The following CDH4 variants were observed in gnomAD, a reference collection of about 807,000 sequenced individuals.
CDH4 encodes the protein cadherin 4.
CDH4 carries 33 observed loss-of-function variants against 86.0 expected under a neutral mutation model. The observed-to-expected ratio is 0.38, with a 90% CI of 0.29 to 0.51. CDH4 has a LOEUF of 0.51. CDH4 is among the 20% of genes least tolerant of loss of function. The pLI is 0.86. For missense variants in CDH4, 1,114 were observed against 1,307.4 expected (o/e 0.85, Z 2.28); for synonymous variants, 555 against 549.4 (o/e 1.01, Z -0.14).
chr20:61,391,332 TA>T (rs1339900014), intron 2 of CDH4, among the ~76,000 whole-genome samples: 1 of 152,190 alleles, frequency 6.6e-6, no homozygotes, highest in Non-Finnish European at 1.5e-5. Flanking sequence ...TTGCTAAACC[TA>T]TCTGATCTGA....
At chr20:61,553,189 C>T (rs1411792070) in intron 2 of CDH4, among the ~76,000 whole-genome samples, 1 of 152,204 alleles carries the variant, frequency 6.6e-6, no homozygotes, top group African/African-American at 2.4e-5. Flanking sequence ...GACACAAACC[C>T]ATGTACTGTA....
rs907794851 is a variant in CDH4 at position 61,351,581 on chromosome 20, G to A, written c.169+96644G>A. Among the ~76,000 whole-genome samples the A allele has an allele frequency of 4.6e-5, 7 of 152,254 alleles. No individual in the cohort carries two copies. In the East Asian group the frequency reaches 1.4e-3, roughly 29 times the overall value. ...ACACAGCAGGTATGTATGTGTATGG[G>A]GGGGACGTGAGATGTTTTGATACAG... is the stretch of plus-strand genomic sequence containing the variant. On this transcript the variant is annotated intron_variant, in intron 2 of 15. Transcript: ENST00000614565.
chr20:61,447,426 G>A (rs896709249), intron 2 of CDH4, among the ~76,000 whole-genome samples: 2 of 149,322 alleles, frequency 1.3e-5, no homozygotes, highest in Admixed American at 6.8e-5. Context: ...TGTCCACCTC[G>A]GCCTTCCAAA....
rs549179926 is a variant in CDH4, at chr20:61,769,540, C to T, written c.397-3463C>T. Among the ~76,000 whole-genome samples the T allele has an allele frequency of 1.8e-4, 28 of 152,340 alleles. No individual in the cohort carries two copies. The South Asian group carries it at 5.8e-3, about 32-fold the overall frequency. On this transcript the variant is annotated intron_variant, in intron 3 of 15. Transcript: ENST00000614565. Reference sequence around the variant, plus strand: ...GATTCGACTTCACAAACAGAGACCACAGAAGGGAGAGGTGGCACTTTCAGG... The same window carrying T: ...GATTCGACTTCACAAACAGAGACCATAGAAGGGAGAGGTGGCACTTTCAGG...
At chr20:61,856,576 A>G (rs1175012676) in intron 6 of CDH4, among the ~76,000 whole-genome samples, 3 of 113,458 alleles carry the variant, frequency 2.6e-5, no homozygotes, top group Admixed American at 1.0e-4. Context: ...TGCACCCCAC[A>G]TTCTTCCCCA....
intron 2 of CDH4, among the ~76,000 whole-genome samples, chr20:61,566,763 C>A (rs1487874189): frequency 6.6e-6 from 1 of 152,210 alleles, no homozygotes; most frequent in East Asian, 1.9e-4. Flanking sequence ...CTGAGCAGGG[C>A]CGATTCTACC....
rs574823301 is a variant in CDH4, at chr20:61,501,517, C to T, written c.170-242046C>T. Among the ~76,000 whole-genome samples the T allele has an allele frequency of 1.1e-4, 17 of 152,252 alleles. No individual in the cohort carries two copies. Among genetic ancestry groups the T allele is most frequent in the Non-Finnish European group, 8.8e-5 (6 of 68,010 alleles). ...CGAGGCCTGGCTGAGATTCAGGAGA[C>T]GGCTGCTGCCGTCTCTGCCCCCTCA... On this transcript the variant is annotated intron_variant, in intron 2 of 15. Transcript: ENST00000614565. This position sits in a 1 kb window ranked among gnomAD's most constrained non-coding sequence, Gnocchi z 4.2.
In CDH4 at chr20:61,658,585, C is replaced by T. The variant is rs190627785; in HGVS notation, c.170-84978C>T. Among the ~76,000 whole-genome samples the T allele has an allele frequency of 2.4e-4, 37 of 152,294 alleles. No individual in the cohort carries two copies. In the East Asian group the frequency reaches 2.7e-3, roughly 11 times the overall value. The stretch of plus-strand genomic sequence containing the variant: ...GGAGCAAAGGATGGGTGGCCCAGGT[C>T]GTTATACACACCAGTGTGGCCCTGG... On this transcript the variant is annotated intron_variant, in intron 2 of 15. Coordinates refer to ENST00000614565, the MANE Select transcript of CDH4 (RefSeq NM_001794.5).
chr20:61,677,032 G>A (rs2087451655), intron 2 of CDH4, among the ~76,000 whole-genome samples: 1 of 152,198 alleles, frequency 6.6e-6, no homozygotes, highest in Non-Finnish European at 1.5e-5. Flanking sequence ...ACAGAGAGAG[G>A]ACAGGTGCAG....
At chr20:61,906,653 C>T (rs777989830) in intron 8 of CDH4, among the ~76,000 whole-genome samples, 6 of 149,288 alleles carry the variant, frequency 4.0e-5, no homozygotes, top group South Asian at 2.1e-4. Context: ...GTGTGTGCTA[C>T]GGGGCCCTGG....
At chr20:61,682,966 C>T (rs777493039) in intron 2 of CDH4, among the ~76,000 whole-genome samples, 1 of 151,928 alleles carries the variant, frequency 6.6e-6, no homozygotes, top group Non-Finnish European at 1.5e-5. Context: ...GTATAAGAAC[C>T]AATTGTGAAT....
At chr20:61,520,946 A>G (rs914255991) in intron 2 of CDH4, among the ~76,000 whole-genome samples, 4 of 152,210 alleles carry the variant, frequency 2.6e-5, no homozygotes, top group Non-Finnish European at 5.9e-5. Context: ...GCGGGGGTGC[A>G]GCTCCAGGGG....
intron 4 of CDH4, among the ~76,000 whole-genome samples, chr20:61,784,228 C>T (rs371355134): frequency 4.5e-4 from 2 of 4,454 alleles, no homozygotes; most frequent in Non-Finnish European, 9.5e-4. Context: ...TCTCGAGGCC[C>T]TCAGGTGTCT....
chr20:61,316,350 C>T (rs1240488118), intron 2 of CDH4, among the ~76,000 whole-genome samples: 1 of 152,360 alleles, frequency 6.6e-6, no homozygotes, highest in East Asian at 1.9e-4. Flanking sequence ...ATAGAGACCG[C>T]CGCGCTGACC....
chr20:61,494,869 T>C (rs1333474160), intron 2 of CDH4, among the ~76,000 whole-genome samples: 1 of 152,270 alleles, frequency 6.6e-6, no homozygotes, highest in Non-Finnish European at 1.5e-5. Context: ...GCCTCGTGCA[T>C]GCCTATTGTG....
At chr20:61,626,696 G>A (rs754768037) in intron 2 of CDH4, among the ~76,000 whole-genome samples, 6 of 152,202 alleles carry the variant, frequency 3.9e-5, no homozygotes, top group Non-Finnish European at 7.3e-5. Flanking sequence ...TCCTGGAGCC[G>A]GAGACAGCTT....
At chr20:61,400,878 C>G (rs2085045954) in intron 2 of CDH4, among the ~76,000 whole-genome samples, 1 of 152,238 alleles carries the variant, frequency 6.6e-6, no homozygotes, top group Non-Finnish European at 1.5e-5. Flanking sequence ...TCATCTGCAC[C>G]TTGTGAGCTC....
intron 6 of CDH4, among the ~76,000 whole-genome samples, chr20:61,857,644 G>A (rs4925201): frequency 0.15 from 22,915 of 152,314 alleles, 1,880 homozygotes; most frequent in East Asian, 0.29. Flanking sequence ...TGGGCTTCCC[G>A]ATGGGATTTC....
At chr20:61,362,924 G>C (rs538812139) in intron 2 of CDH4, among the ~76,000 whole-genome samples, 74 of 152,316 alleles carry the variant, frequency 4.9e-4, no homozygotes, top group African/African-American at 1.7e-3. Context: ...ATGTGAACAG[G>C]TGGCTTTTTA....
Sources: allele counts gnomAD v4.1 joint callset (sites outside exome capture counted in the v4.1 genomes callset), GRCh38; gene constraint gnomAD v4.1.1; non-coding constraint Gnocchi (gnomAD v3.1); transcripts MANE v1.5; gene names NCBI Gene and HGNC (gene_info 2026-07-23, HGNC 2026-07-21).